The following PREP variants were observed in gnomAD, a reference collection of about 807,000 sequenced individuals.
The protein encoded by PREP is dJ355L5.1 (prolyl endopeptidase).
PREP carries 29 observed loss-of-function variants against 87.6 expected under a neutral mutation model. That is an observed-to-expected ratio of 0.33 (90% CI 0.25 to 0.45). PREP has a LOEUF of 0.45. PREP is among the 20% of genes least tolerant of loss of function. The probability of loss-of-function intolerance (pLI) is 1.00; values close to 1 mark genes in which losing one functional copy is unlikely to be tolerated. For missense variants in PREP, 695 were observed against 886.5 expected (o/e 0.78, Z 2.74); for synonymous variants, 337 against 328.6 (o/e 1.03, Z -0.28).
rs75042097 is a variant in PREP at position 105,388,465 on chromosome 6, A to C, written c.120+9388T>G. Among the ~76,000 whole-genome samples the C allele has an allele frequency of 5.8e-3, 844 of 146,290 alleles. 4 individuals carry two copies. Among genetic ancestry groups the C allele is most frequent in the Non-Finnish European group, 0.01 (667 of 66,594 alleles). ...CTTGCATCAAAAACCGTATTACAGA[A>C]AGCAAGAGAAAGGAGATTGGGGGGT... On this transcript the variant is annotated intron_variant, in intron 2 of 14. Transcript: ENST00000652536.
chr6:105,392,227 A>G lies in PREP; in HGVS notation c.120+5626T>C, dbSNP rs570640240. Among the ~76,000 whole-genome samples the G allele has an allele frequency of 3.2e-4, 48 of 152,094 alleles. 2 individuals are homozygous for G. In the South Asian group the frequency reaches 1.0e-2, roughly 32 times the overall value. Reference sequence around the variant, plus strand: ...CTAATTTTATGTATTTTTAGTACAGATGGGGTTTCACTGTATTAGCCAGGA... The same window carrying G: ...CTAATTTTATGTATTTTTAGTACAGGTGGGGTTTCACTGTATTAGCCAGGA... On this transcript the variant is annotated intron_variant, in intron 2 of 14. Transcript: ENST00000652536.
At chr6:105,282,012 TC>T in intron 13 of PREP, 110 bp from the exon 14 acceptor site, 1 of 1,314,178 alleles carries the variant, frequency 7.6e-7, no homozygotes, top group Non-Finnish European at 1.0e-6. Context: ...GTTGCATTTA[TC>T]CAGAGCACAA....
At chr6:105,380,107 A>G (rs1254378836) in intron 2 of PREP, among the ~76,000 whole-genome samples, 1 of 152,214 alleles carries the variant, frequency 6.6e-6, no homozygotes, top group African/African-American at 2.4e-5. Flanking sequence ...CAAACCAGCC[A>G]TTCCTTGCAG....
chr6:105,392,569 CAAATG>C (rs1166410763), intron 2 of PREP, among the ~76,000 whole-genome samples: 1 of 151,992 alleles, frequency 6.6e-6, no homozygotes, highest in Non-Finnish European at 1.5e-5. Context: ...CCAGTTTTTA[CAAATG>C]TAGTTTTTGT....
chr6:105,366,484 G>A (rs191973262), intron 6 of PREP, among the ~76,000 whole-genome samples: 23 of 152,182 alleles, frequency 1.5e-4, no homozygotes, highest in Admixed American at 1.3e-3. Context: ...AGATTATATC[G>A]GATGAGATAC....
At chr6:105,322,336 A>T in intron 10 of PREP, 3 of 924,108 alleles carry the variant, frequency 3.2e-6, no homozygotes, top group Non-Finnish European at 3.9e-6. Flanking sequence ...CCAGATCTTG[A>T]ATATACCTTA....
chr6:105,319,698 C>A (rs1465640756), intron 10 of PREP, among the ~76,000 whole-genome samples: 3 of 152,200 alleles, frequency 2.0e-5, no homozygotes, highest in African/African-American at 7.2e-5. Flanking sequence ...CAGTGGGGAA[C>A]TGGGCATTAA....
At chr6:105,335,854 G>C (rs994479336) in intron 7 of PREP, among the ~76,000 whole-genome samples, 1 of 151,902 alleles carries the variant, frequency 6.6e-6, no homozygotes, top group Non-Finnish European at 1.5e-5. Context: ...GATTGAGATT[G>C]CACCACTGCA....
intron 14 of PREP, among the ~76,000 whole-genome samples, chr6:105,280,357 A>C (rs1770053806): frequency 6.6e-6 from 1 of 152,026 alleles, no homozygotes. Flanking sequence ...GTAGTTTACT[A>C]ATAGGAGGAA....
chr6:105,372,541 A>C (rs1469575265), intron 5 of PREP, among the ~76,000 whole-genome samples: 1 of 152,232 alleles, frequency 6.6e-6, no homozygotes, highest in Non-Finnish European at 1.5e-5. Context: ...TTAGAAGTGA[A>C]GGAGCAAAGA....
chr6:105,355,013 T>C (rs1056516161), intron 6 of PREP, among the ~76,000 whole-genome samples: 2 of 151,808 alleles, frequency 1.3e-5, no homozygotes, highest in Non-Finnish European at 2.9e-5. Context: ...TATGGAATTA[T>C]GTAGTATATT....
intron 8 of PREP, among the ~76,000 whole-genome samples, chr6:105,332,647 CA>C (rs1412120509): frequency 6.6e-6 from 1 of 152,224 alleles, no homozygotes; most frequent in East Asian, 1.9e-4. Flanking sequence ...AAACTGACCC[CA>C]AATTAATGAG....
chr6:105,294,562 A>G (rs1770368159), intron 10 of PREP, among the ~76,000 whole-genome samples: 1 of 152,136 alleles, frequency 6.6e-6, no homozygotes, highest in African/African-American at 2.4e-5. Context: ...GTTCCCTCCA[A>G]TGTTTGCTGT....
intron 6 of PREP, among the ~76,000 whole-genome samples, chr6:105,360,392 C>G (rs965048655): frequency 6.6e-6 from 1 of 152,134 alleles, no homozygotes; most frequent in Non-Finnish European, 1.5e-5. Context: ...CTGAGGAAAC[C>G]TTTTTAAGTC....
At chr6:105,279,608 T>A (rs898854389) in intron 14 of PREP, among the ~76,000 whole-genome samples, 3 of 152,214 alleles carry the variant, frequency 2.0e-5, no homozygotes, top group African/African-American at 7.2e-5. Flanking sequence ...TAATTCTGGA[T>A]GGTGCTCCAT....
At chr6:105,310,434 C>T (rs956812041) in intron 10 of PREP, among the ~76,000 whole-genome samples, 2 of 152,204 alleles carry the variant, frequency 1.3e-5, no homozygotes, top group Non-Finnish European at 2.9e-5. Context: ...CTACTACTCA[C>T]TGAAAGTGCT....
intron 10 of PREP, among the ~76,000 whole-genome samples, chr6:105,316,530 G>GTA (rs1770873537): frequency 1.3e-5 from 2 of 152,176 alleles, no homozygotes; most frequent in African/African-American, 4.8e-5. Context: ...GAAAATGGTG[G>GTA]TAACAGACTT....
chr6:105,302,665 A>G (rs1770564077), intron 10 of PREP: 1 of 482,568 alleles, frequency 2.1e-6, no homozygotes, highest in Non-Finnish European at 4.0e-6. Flanking sequence ...AACACGGGCA[A>G]TGGAATTGTG....
chr6:105,393,770 A>G (rs1342507057), intron 2 of PREP, among the ~76,000 whole-genome samples: 1 of 152,206 alleles, frequency 6.6e-6, no homozygotes, highest in East Asian at 1.9e-4. Flanking sequence ...TAAAGGATAT[A>G]GCCTTAAATG....
Sources: gnomAD v4.1 joint callset for allele counts (sites outside exome capture counted in the v4.1 genomes callset) on GRCh38, gnomAD v4.1.1 for gene constraint, MANE v1.5 for transcripts, NCBI Gene and HGNC (gene_info 2026-07-23, HGNC 2026-07-21) for gene names.